Variants in TRAPPC12 observed in about 807,000 individuals in gnomAD.
TRAPPC12 encodes the protein trafficking protein particle complex subunit 12, also known as TPR repeat protein 15.
TRAPPC12 carries 61 observed loss-of-function variants against 69.2 expected under a neutral mutation model. The observed-to-expected ratio is 0.88, with a 90% CI of 0.72 to 1.09. TRAPPC12 has a LOEUF of 1.09. Ranked by LOEUF, TRAPPC12 falls within the 50% of genes least tolerant of loss-of-function variation. The probability of loss-of-function intolerance (pLI) is 0.00; values close to 1 mark genes in which losing one functional copy is unlikely to be tolerated. For synonymous variants in TRAPPC12, 469 were observed against 438.9 expected (o/e 1.07, Z -0.86); for missense variants, 1,101 against 1,016.4 (o/e 1.08, Z -1.13).
intron 3 of TRAPPC12, among the ~76,000 whole-genome samples, chr2:3,413,750 G>A (rs1365996534): frequency 6.6e-6 from 1 of 152,168 alleles, no homozygotes; most frequent in African/African-American, 2.4e-5. Context: ...GCACAGGGAT[G>A]AGGTGGTAGA....
chr2:3,449,016 G>T (rs1019196365), intron 6 of TRAPPC12, among the ~76,000 whole-genome samples: 1 of 152,184 alleles, frequency 6.6e-6, no homozygotes, highest in Non-Finnish European at 1.5e-5. Flanking sequence ...CGAGTTCAGG[G>T]TACTTCGTTT....
chr2:3,434,998 T>A (rs1030235767), intron 5 of TRAPPC12, among the ~76,000 whole-genome samples: 1 of 152,192 alleles, frequency 6.6e-6, no homozygotes, highest in African/African-American at 2.4e-5. Flanking sequence ...GCCCAGAAGT[T>A]CCAGTTACTG....
intron 5 of TRAPPC12, 42 bp from the exon 6 acceptor site, chr2:3,443,737 A>G (rs915562676): frequency 1.3e-5 from 20 of 1,530,710 alleles, no homozygotes; most frequent in Admixed American, 1.2e-4. Context: ...ATGCGTGCTC[A>G]GTTATGGCAA....
chr2:3,469,878 T>C (rs1053904878), intron 9 of TRAPPC12, among the ~76,000 whole-genome samples: 1 of 152,194 alleles, frequency 6.6e-6, no homozygotes, highest in Non-Finnish European at 1.5e-5. Context: ...ACATCTGAAG[T>C]CATGTAACAC....
intron 6 of TRAPPC12, chr2:3,449,523 A>G (rs1044161154): frequency 6.6e-6 from 1 of 152,284 alleles, no homozygotes; most frequent in Non-Finnish European, 1.5e-5. Context: ...GTATTCAACA[A>G]TGTCCATGTA....
At chr2:3,407,200 TC>T (rs1242784773) in intron 3 of TRAPPC12, among the ~76,000 whole-genome samples, 1 of 152,216 alleles carries the variant, frequency 6.6e-6, no homozygotes, top group East Asian at 1.9e-4. Flanking sequence ...AGGTAATAAT[TC>T]CCTTTGAGTC....
rs776963471 is a variant in TRAPPC12 at position 3,387,658 on chromosome 2, C to T, written c.35C>T (p.Ala12Val). ...EDAGGGEETP[A>V]PEAPHPPQLA... is the part of the protein sequence containing the mutation. ...GCTGGCGGCGGCGAGGAGACCCCGG[C>T]CCCGGAGGCCCCGCACCCCCCTCAG... is the stretch of plus-strand genomic sequence containing the variant. Residue 12 changes from alanine (A) to valine (V), a missense_variant, in exon 2 of 12, where the codon GCC (alanine) becomes GTC (valine). Ala to Val is a moderately conservative substitution (Grantham distance 64). Transcript: ENST00000324266. 2 of 1,548,632 alleles carry T rather than the reference C, an allele frequency of 1.3e-6. No homozygotes were observed. The highest frequency in any genetic ancestry group is 2.5e-5 in the East Asian group (1 of 40,776).
At chr2:3,474,608 C>T (rs967264217) in intron 9 of TRAPPC12, among the ~76,000 whole-genome samples, 1 of 152,182 alleles carries the variant, frequency 6.6e-6, no homozygotes, top group Non-Finnish European at 1.5e-5. Context: ...GGTCGGAGCT[C>T]CAGGGCGGCG....
chr2:3,408,510 C>G (rs1042050888), intron 3 of TRAPPC12, among the ~76,000 whole-genome samples: 20 of 152,128 alleles, frequency 1.3e-4, no homozygotes, highest in African/African-American at 4.1e-4. Context: ...GCCTGTAGTC[C>G]CAGCTACTTG....
intron 4 of TRAPPC12, 72 bp from the exon 5 acceptor site, chr2:3,424,453 T>G (rs1156351793): frequency 1.3e-5 from 18 of 1,408,516 alleles, no homozygotes; most frequent in Admixed American, 1.1e-4. Flanking sequence ...TAACACCAAC[T>G]CATAAGGAAT....
chr2:3,423,328 G>GT (rs975988974), intron 4 of TRAPPC12, among the ~76,000 whole-genome samples: 6 of 149,814 alleles, frequency 4.0e-5, no homozygotes, highest in African/African-American at 1.5e-4. Context: ...GCCTTTGTGT[G>GT]TGTGTGTGTG....
intron 10 of TRAPPC12, 90 bp downstream of exon 10, chr2:3,477,885 G>GT: frequency 1.3e-6 from 1 of 799,780 alleles, no homozygotes; most frequent in South Asian, 2.2e-5. Flanking sequence ...CCCTAGAGAA[G>GT]GCGCTTCTCC....
intron 1 of TRAPPC12, among the ~76,000 whole-genome samples, chr2:3,385,164 A>G (rs1660436363): frequency 6.6e-6 from 1 of 152,074 alleles, no homozygotes; most frequent in Non-Finnish European, 1.5e-5. Flanking sequence ...GTTTTATATC[A>G]TTTTTATTTG....
At chr2:3,437,178 C>T (rs1350512200) in intron 5 of TRAPPC12, among the ~76,000 whole-genome samples, 1 of 6,642 alleles carries the variant, frequency 1.5e-4, no homozygotes, top group Non-Finnish European at 2.9e-4. Context: ...AATCCCCCCA[C>T]CACCCCTGGA....
intron 5 of TRAPPC12, among the ~76,000 whole-genome samples, chr2:3,428,494 A>G (rs1029053329): frequency 2.6e-5 from 4 of 152,240 alleles, no homozygotes; most frequent in Non-Finnish European, 5.9e-5. Context: ...ATGAGCTTTA[A>G]TATATTTCAT....
intron 9 of TRAPPC12, among the ~76,000 whole-genome samples, chr2:3,469,359 C>T (rs1338717159): frequency 2.0e-5 from 3 of 152,182 alleles, no homozygotes; most frequent in Non-Finnish European, 2.9e-5. Flanking sequence ...ATAAGAAATA[C>T]GTATATTAGT....
At position 3,477,814 on chromosome 2, in the gene TRAPPC12, AAT is replaced by A; in HGVS notation, c.1877+24_1877+25del. ...TGAACAGGTAAATATTTTAAAACTA[AAT>A]ATATGTTTTCTCAAATTTCCCAGAG... On this transcript the variant is annotated intron_variant, in intron 10 of 11. Transcript: ENST00000324266. 2 of 1,533,264 alleles carry A rather than the reference AAT, an allele frequency of 1.3e-6. No individual in the cohort carries two copies. Among genetic ancestry groups the A allele is most frequent in the Admixed American group, 2.0e-5 (1 of 51,182 alleles). 95.0% of individuals were successfully genotyped at this position (1,533,264 alleles called of 1,614,324 possible).
At position 3,431,400 on chromosome 2, in the gene TRAPPC12, C is replaced by T. The variant is rs558188149; in HGVS notation, c.1417+6737C>T. Among the ~76,000 whole-genome samples, 7 of 152,342 alleles carry T rather than the reference C, an allele frequency of 4.6e-5. No individual in the cohort carries two copies. The South Asian group carries it at 6.2e-4, about 14-fold the overall frequency. ...CCAGCCCAGAGGGCGGCAGGGTCGC[C>T]GTCGCCATGGATGCCAGCCTTTACC... On this transcript the variant is annotated intron_variant, in intron 5 of 11. Coordinates refer to ENST00000324266, the MANE Select transcript of TRAPPC12 (RefSeq NM_016030.6).
intron 1 of TRAPPC12, among the ~76,000 whole-genome samples, chr2:3,387,239 C>A (rs1355556808): frequency 6.6e-6 from 1 of 152,146 alleles, no homozygotes; most frequent in African/African-American, 2.4e-5. Context: ...GCATAAATAG[C>A]CCTTGAGGAC....
Sources: allele counts gnomAD v4.1 joint callset (sites outside exome capture counted in the v4.1 genomes callset), GRCh38; gene constraint gnomAD v4.1.1; transcripts MANE v1.5; gene names NCBI Gene and HGNC (gene_info 2026-07-23, HGNC 2026-07-21).